The following PLA2G4A variants were observed in gnomAD, a reference collection of about 807,000 sequenced individuals.
PLA2G4A encodes phospholipase A2 group IVA.
Under a neutral mutation model 81.9 loss-of-function variants are expected in PLA2G4A, and 40 were observed. The ratio of observed to expected loss-of-function variants is 0.49; its 90% CI spans 0.38 to 0.64. PLA2G4A has a LOEUF of 0.64. Ranked by LOEUF, PLA2G4A falls within the 30% of genes least tolerant of loss-of-function variation. PLA2G4A has a pLI of 0.00. For missense variants in PLA2G4A, 715 were observed against 905.1 expected (o/e 0.79, Z 2.69); for synonymous variants, 302 against 296.9 (o/e 1.02, Z -0.18).
At chr1:186,913,478 T>C (rs1655035846) in intron 7 of PLA2G4A, among the ~76,000 whole-genome samples, 1 of 152,104 alleles carries the variant, frequency 6.6e-6, no homozygotes, top group Non-Finnish European at 1.5e-5. Context: ...TCCATCTTTC[T>C]ATCTGAAATC....
At chr1:186,862,738 C>T (rs1457306693) in intron 2 of PLA2G4A, among the ~76,000 whole-genome samples, 1 of 152,084 alleles carries the variant, frequency 6.6e-6, no homozygotes, top group Non-Finnish European at 1.5e-5. Flanking sequence ...TAATTCTAAA[C>T]CAAATAAATA....
intron 15 of PLA2G4A, among the ~76,000 whole-genome samples, chr1:186,966,037 T>A (rs544183904): frequency 6.6e-6 from 1 of 151,894 alleles, no homozygotes; most frequent in South Asian, 2.1e-4. Flanking sequence ...GGGGGTTTTT[T>A]GGTGAACTGG....
At chr1:186,977,862 C>G (rs1455611387) in intron 16 of PLA2G4A, 74 bp downstream of exon 16, 14 of 938,120 alleles carry the variant, frequency 1.5e-5, no homozygotes, top group Non-Finnish European at 2.3e-5. Flanking sequence ...AACTGTTTCA[C>G]TCTGTCACTG....
intron 1 of PLA2G4A, among the ~76,000 whole-genome samples, chr1:186,834,118 C>A (rs1177424765): frequency 6.6e-6 from 1 of 151,990 alleles, no homozygotes; most frequent in Non-Finnish European, 1.5e-5. Context: ...TTCTACAGTA[C>A]AGAAAACTCA....
At chr1:186,908,974 T>TTC (rs1654839394) in intron 6 of PLA2G4A, among the ~76,000 whole-genome samples, 1 of 133,128 alleles carries the variant, frequency 7.5e-6, no homozygotes, top group Admixed American at 7.7e-5. Context: ...TTTTCTTTTT[T>TTC]TTTTTTTTTT....
At position 186,904,077 on chromosome 1, in the gene PLA2G4A, CT is replaced by C. The variant is rs534641820; in HGVS notation, c.379-2884del. ...AAAATTATTTGAAAGGCTGAAATGG[CT>C]TTTAGTTTTTATAGTTTATCTCCTC... On this transcript the variant is annotated intron_variant, in intron 5 of 17. Coordinates refer to ENST00000367466, the MANE Select transcript of PLA2G4A (RefSeq NM_024420.3). 4.2e-3 allele frequency among the ~76,000 whole-genome samples: 639 copies of C among 152,228 alleles called. 1 individual carries two copies. Among genetic ancestry groups the C allele is most frequent in the Non-Finnish European group, 7.2e-3 (491 of 67,994 alleles).
At chr1:186,907,868 C>G (rs1654796072) in intron 6 of PLA2G4A, among the ~76,000 whole-genome samples, 1 of 152,206 alleles carries the variant, frequency 6.6e-6, no homozygotes, top group South Asian at 2.1e-4. Flanking sequence ...AAGGATAGTC[C>G]AAGTTATTGT....
Position 186,988,944 on chromosome 1 carries a change from TATAC to T in PLA2G4A, c.*443_*446del. On this transcript the variant is annotated 3_prime_UTR_variant, in exon 18 of 18. Transcript: ENST00000367466. ...CTATTTTTATTTATATATGCATATA[TATAC>T]ATACATGAAATAAATACATCAATAT... is the stretch of plus-strand genomic sequence containing the variant. The T allele has an allele frequency of 6.4e-6, 1 of 155,822 alleles. No individual in the cohort carries two copies. The highest frequency in any genetic ancestry group is 2.4e-5 in the African/African-American group (1 of 41,428). 9.7% of individuals were successfully genotyped at this position (155,822 alleles called of 1,614,324 possible). A position where few individuals can be genotyped will look rare whatever the true frequency, so the allele number is the denominator to read the frequency against.
chr1:186,956,737 C>T (rs1418031506), intron 14 of PLA2G4A, among the ~76,000 whole-genome samples: 1 of 152,064 alleles, frequency 6.6e-6, no homozygotes, highest in Non-Finnish European at 1.5e-5. Context: ...TGGTCTCAGA[C>T]TCCTGGGCTC....
rs558045427 is a variant in PLA2G4A, at chr1:186,857,582, A to C, written c.33+3195A>C. On this transcript the variant is annotated intron_variant, in intron 2 of 17. Transcript: ENST00000367466. ...AATTATAATATTAATATAAATATAA[A>C]ATATATTATATATATTTAGTTTTTA... is the stretch of plus-strand genomic sequence containing the variant. Among the ~76,000 whole-genome samples the C allele has an allele frequency of 2.1e-5, 3 of 144,306 alleles. No individual in the cohort carries two copies. The Admixed American group carries it at 2.2e-4, about 10-fold the overall frequency. The allele number at this position is 144,306 out of a possible 152,430, so 94.7% of individuals were successfully genotyped here.
chr1:186,910,168 A>G (rs959790763), intron 6 of PLA2G4A, among the ~76,000 whole-genome samples: 2 of 152,152 alleles, frequency 1.3e-5, no homozygotes, highest in African/African-American at 4.8e-5. Context: ...TGTAATGGTC[A>G]AATATAGCCA....
At chr1:186,860,199 G>C (rs998176295) in intron 2 of PLA2G4A, among the ~76,000 whole-genome samples, 8 of 152,070 alleles carry the variant, frequency 5.3e-5, no homozygotes, top group Non-Finnish European at 1.2e-4. Flanking sequence ...TGACAAACAG[G>C]AGATATTAAT....
intron 17 of PLA2G4A, among the ~76,000 whole-genome samples, chr1:186,984,809 G>C (rs1657840140): frequency 6.6e-6 from 1 of 152,058 alleles, no homozygotes; most frequent in South Asian, 2.1e-4. Flanking sequence ...TTAGAAACTA[G>C]GGGTACAGCA....
At chr1:186,912,226 A>T (rs1446194658) in intron 7 of PLA2G4A, among the ~76,000 whole-genome samples, 1 of 152,166 alleles carries the variant, frequency 6.6e-6, no homozygotes, top group African/African-American at 2.4e-5. Flanking sequence ...CTAATAAAGA[A>T]AATTAACCAT....
intron 2 of PLA2G4A, among the ~76,000 whole-genome samples, chr1:186,868,291 T>A (rs1416015799): frequency 6.6e-6 from 1 of 152,084 alleles, no homozygotes; most frequent in Non-Finnish European, 1.5e-5. Flanking sequence ...TTAGCCAGGC[T>A]GGTCTCAAAC....
rs7522183 is a variant in PLA2G4A, at chr1:186,846,901, C to A, written c.-69-7385C>A. Among the ~76,000 whole-genome samples, 62 of 151,976 alleles carry A rather than the reference C, an allele frequency of 4.1e-4. No individual in the cohort carries two copies. In the East Asian group the frequency reaches 8.3e-3, roughly 20 times the overall value. On this transcript the variant is annotated intron_variant, in intron 1 of 17. Transcript: ENST00000367466. ...CTCTATGCCTTAATTTATTATAGTC[C>A]GCTTCATATCAATACTGTCTTAATT...
chr1:186,921,455 G>A (rs1174236325), intron 7 of PLA2G4A, among the ~76,000 whole-genome samples: 1 of 152,194 alleles, frequency 6.6e-6, no homozygotes, highest in African/African-American at 2.4e-5. Flanking sequence ...GTGAAAGGTT[G>A]ATACACAAAG....
intron 3 of PLA2G4A, among the ~76,000 whole-genome samples, chr1:186,878,197 C>T (rs1341285051): frequency 2.2e-5 from 3 of 137,956 alleles, no homozygotes; most frequent in Admixed American, 7.3e-5. Flanking sequence ...TTATATATAT[C>T]TATATAAATA....
intron 8 of PLA2G4A, among the ~76,000 whole-genome samples, chr1:186,933,549 C>G (rs576174549): frequency 2.0e-4 from 30 of 152,116 alleles, no homozygotes; most frequent in African/African-American, 7.2e-4. Flanking sequence ...GTTTGCTTAC[C>G]TCACATAAGC....
Sources: gnomAD v4.1 joint callset for allele counts (sites outside exome capture counted in the v4.1 genomes callset) on GRCh38, gnomAD v4.1.1 for gene constraint, MANE v1.5 for transcripts, NCBI Gene and HGNC (gene_info 2026-07-23, HGNC 2026-07-21) for gene names.